PRPF18: variants seen among roughly 807,000 people sequenced by gnomAD.
PRPF18 encodes the protein pre-mRNA-splicing factor 18.
PRPF18 carries 38 observed loss-of-function variants against 46.5 expected under a neutral mutation model. The ratio of observed to expected loss-of-function variants is 0.82; its 90% CI spans 0.63 to 1.07. PRPF18 has a LOEUF of 1.07. Ranked by LOEUF, PRPF18 falls within the 50% of genes least tolerant of loss-of-function variation. PRPF18 has a pLI of 0.00. For synonymous variants in PRPF18, 152 were observed against 146.7 expected (o/e 1.04, Z -0.26); for missense variants, 263 against 410.0 (o/e 0.64, Z 3.10).
the PRPF18 span, chr10:13,653,082 T>G: frequency 4.6e-5 from 7 of 151,964 alleles, no homozygotes; most frequent in African/African-American, 1.5e-4. Context: ...AAGGGGATGA[T>G]GAGGATTGTA....
At chr10:13,627,392 G>A (rs2080524018) in intron 9 of PRPF18, among the ~76,000 whole-genome samples, 1 of 152,106 alleles carries the variant, frequency 6.6e-6, no homozygotes. Flanking sequence ...TGTTAGATAA[G>A]GGTATTGCCT....
chr10:13,588,562 C>G (rs1462286482), intron 1 of PRPF18, among the ~76,000 whole-genome samples: 3 of 148,664 alleles, frequency 2.0e-5, no homozygotes, highest in African/African-American at 7.5e-5. Context: ...GGTGAGAGAC[C>G]GAGTCCCTGT....
At chr10:13,642,625 TCTAC>T in the PRPF18 span, 2 of 152,246 alleles carry the variant, frequency 1.3e-5, no homozygotes, top group Non-Finnish European at 2.9e-5. Flanking sequence ...GATCTTCCTA[TCTAC>T]CAGTTGCTTT....
At chr10:13,637,607 T>C in the PRPF18 span, among the ~76,000 whole-genome samples, 65 of 152,348 alleles carry the variant, frequency 4.3e-4, no homozygotes, top group African/African-American at 1.3e-3. Context: ...AGCCTCCCAC[T>C]TGGTGGCCAC....
At chr10:13,615,492 G>A (rs987639861) in intron 8 of PRPF18, among the ~76,000 whole-genome samples, 3 of 152,138 alleles carry the variant, frequency 2.0e-5, no homozygotes, top group Non-Finnish European at 4.4e-5. Flanking sequence ...AGCAGAGCAA[G>A]TTCACATTTA....
In PRPF18 at chr10:13,597,399, A is replaced by G. The variant is rs187204669; in HGVS notation, c.67-59A>G. 112 of 1,167,396 alleles carry G rather than the reference A, an allele frequency of 9.6e-5. No individual in the cohort carries two copies. The African/African-American group carries it at 1.4e-3, about 15-fold the overall frequency. 72.3% of individuals were successfully genotyped at this position (1,167,396 alleles called of 1,614,324 possible). ...AGTTTTCTAAAGGTATTTGTTGACT[A>G]TGGGACATGAAATTTTGCTCAAGGA... On this transcript the variant is annotated intron_variant, in intron 1 of 9. Coordinates refer to ENST00000378572, the MANE Select transcript of PRPF18 (RefSeq NM_003675.4).
chr10:13,592,557 C>A (rs1452282084), intron 1 of PRPF18, among the ~76,000 whole-genome samples: 2 of 152,212 alleles, frequency 1.3e-5, no homozygotes, highest in Non-Finnish European at 2.9e-5. Context: ...GTGAGTGCCT[C>A]TTTCTCAAAT....
chr10:13,601,059 G>T (rs1356384372), intron 3 of PRPF18, among the ~76,000 whole-genome samples: 1 of 152,138 alleles, frequency 6.6e-6, no homozygotes, highest in Admixed American at 6.6e-5. Flanking sequence ...GGGATTACAG[G>T]TGTGAGCCAC....
chr10:13,610,536 C>T (rs552835899), intron 5 of PRPF18, among the ~76,000 whole-genome samples: 3 of 152,154 alleles, frequency 2.0e-5, no homozygotes, highest in Non-Finnish European at 4.4e-5. Flanking sequence ...TTTCAGTTAG[C>T]ACTATGTTTT....
At chr10:13,618,472 A>G (rs2080376045) in intron 9 of PRPF18, among the ~76,000 whole-genome samples, 1 of 152,048 alleles carries the variant, frequency 6.6e-6, no homozygotes. Context: ...TACAAAAAAT[A>G]GAAACTAGCC....
chr10:13,652,238 A>T, the PRPF18 span: 1 of 511,548 alleles, frequency 2.0e-6, no homozygotes, highest in Non-Finnish European at 3.5e-6. Flanking sequence ...AGTTTATGCC[A>T]AGAACCAAAA....
chr10:13,638,299 C>CTTTTTTTTTTTTTTTTTTTTTTTTTT, the PRPF18 span, among the ~76,000 whole-genome samples: 4 of 125,042 alleles, frequency 3.2e-5, no homozygotes, highest in Admixed American at 8.1e-5. Context: ...CTTGGCTTTT[C>CTTTTTTTTTTTTTTTTTTTTTTTTTT]TTTTTTTTTT....
At chr10:13,632,342 T>TC (rs546638880), downstream of PRPF18, among the ~76,000 whole-genome samples, 1,005 of 150,378 alleles carry the variant, frequency 6.7e-3, 15 homozygotes, top group African/African-American at 0.023. Flanking sequence ...CTCTGTCCCC[T>TC]CCCCCCCGCA....
intron 1 of PRPF18, among the ~76,000 whole-genome samples, chr10:13,587,810 G>T (rs771772618): frequency 6.6e-6 from 1 of 152,198 alleles, no homozygotes; most frequent in Admixed American, 6.5e-5. Context: ...TACTTTTGCT[G>T]CTTCATTCCT....
At chr10:13,652,517 T>C in the PRPF18 span, 1 of 155,738 alleles carries the variant, frequency 6.4e-6, no homozygotes, top group Admixed American at 6.3e-5. Context: ...GAAAGATGTG[T>C]CATTCTTTTA....
intron 6 of PRPF18, among the ~76,000 whole-genome samples, chr10:13,613,063 G>GA (rs1247165761): frequency 2.6e-5 from 4 of 152,240 alleles, no homozygotes; most frequent in African/African-American, 9.6e-5. Context: ...CATGGAAGTA[G>GA]ATAGGGCATA....
intron 3 of PRPF18, among the ~76,000 whole-genome samples, chr10:13,603,058 G>A (rs2080135426): frequency 6.6e-6 from 1 of 152,192 alleles, no homozygotes; most frequent in East Asian, 1.9e-4. Context: ...TTTAAACATT[G>A]AAAAGCTTGA....
intron 9 of PRPF18, among the ~76,000 whole-genome samples, chr10:13,622,370 G>C (rs7099514): frequency 0.037 from 5,701 of 152,266 alleles, 141 homozygotes; most frequent in Middle Eastern, 0.14. Context: ...CTTTCTAGCT[G>C]GCAGCTTAGT....
intron 9 of PRPF18, among the ~76,000 whole-genome samples, chr10:13,618,101 G>C (rs1243332546): frequency 6.6e-6 from 1 of 152,160 alleles, no homozygotes; most frequent in Non-Finnish European, 1.5e-5. Flanking sequence ...TTTAATGACT[G>C]ACTTGGATGG....
Sources: allele counts gnomAD v4.1 joint callset (sites outside exome capture counted in the v4.1 genomes callset), GRCh38; gene constraint gnomAD v4.1.1; transcripts MANE v1.5; gene names NCBI Gene and HGNC (gene_info 2026-07-23, HGNC 2026-07-21).